The following CERS2 variants were observed in gnomAD, a reference collection of about 807,000 sequenced individuals.
The protein encoded by CERS2 is ceramide synthase 2, also known as LAG1 homolog, ceramide synthase 2.
CERS2 carries 20 observed loss-of-function variants against 56.6 expected under a neutral mutation model. The ratio of observed to expected loss-of-function variants is 0.35; its 90% CI spans 0.25 to 0.51. The LOEUF (loss-of-function observed/expected upper bound fraction) is 0.51, where lower values mean the gene tolerates loss of function less well. Ranked by LOEUF, CERS2 falls within the 20% of genes least tolerant of loss-of-function variation. The pLI, the probability that CERS2 is intolerant of heterozygous loss-of-function variation, is 0.96. For synonymous variants in CERS2, 187 were observed against 175.4 expected (o/e 1.07, Z -0.52); for missense variants, 361 against 488.6 (o/e 0.74, Z 2.46).
At chr1:150,966,947 C>G (rs1238160630) in intron 8 of CERS2, 85 bp from the exon 9 acceptor site, 3 of 1,432,152 alleles carry the variant, frequency 2.1e-6, no homozygotes, top group Non-Finnish European at 2.9e-6. Context: ...GGAGCACTGA[C>G]TCTGTGCCCT....
intron 6 of CERS2, 68 bp from the exon 7 acceptor site, chr1:150,967,552 C>A (rs919223742): frequency 7.2e-7 from 1 of 1,395,874 alleles, no homozygotes; most frequent in South Asian, 1.2e-5. Flanking sequence ...ACCCCCTAGC[C>A]CCTGAGGTTC....
chr1:150,968,123 G>C lies in CERS2; in HGVS notation c.370C>G (p.Gln124Glu), dbSNP rs772059536. Residue 124 changes from glutamine (Q) to glutamate (E), a missense_variant, in exon 4 of 11, where the codon CAG becomes GAG. Physicochemically the swap from Gln to Glu is conservative, Grantham distance 29 (BLOSUM62 2). Coordinates refer to ENST00000368954, the MANE Select transcript of CERS2 (RefSeq NM_022075.5). ...TTCTTGAGGAGACTGGGCCGGTCCT[G>C]GTTGCGGCGGCGACGGAACCAACGC... ...VERWFRRRRN[Q>E]DRPSLLKKFR... The C allele has an allele frequency of 9.9e-6, 16 of 1,609,698 alleles. No individual in the cohort carries two copies. Among genetic ancestry groups the C allele is most frequent in the Admixed American group, 5.0e-5 (3 of 59,998 alleles).
In CERS2 at chr1:150,967,489, G is replaced by A. The variant is rs1447361966; in HGVS notation, c.520-5C>T. ...ATACTGGGAAGGGATAGTGCTCTGG[G>A]AGAGGAGAGAGAGGTAAGAGCAACC... On this transcript the variant is annotated splice_region_variant and splice_polypyrimidine_tract_variant and intron_variant, in intron 6 of 10. Transcript: ENST00000368954. 1.3e-6 allele frequency: 2 copies of A among 1,540,360 alleles called. No homozygotes were observed. The highest frequency in any genetic ancestry group is 1.4e-5 in the African/African-American group (1 of 73,344).
intron 1 of CERS2, among the ~76,000 whole-genome samples, chr1:150,970,986 C>T (rs932860073): frequency 2.0e-5 from 3 of 152,114 alleles, no homozygotes; most frequent in Admixed American, 6.6e-5. Context: ...AGGGAGGGAA[C>T]GGTCAGACGT....
chr1:150,966,040 C>T lies in CERS2; in HGVS notation c.*108G>A. 3.4e-6 allele frequency: 4 copies of T among 1,171,910 alleles called. No homozygotes were observed. Among genetic ancestry groups the T allele is most frequent in the Non-Finnish European group, 4.7e-6 (4 of 843,010 alleles). The allele number at this position is 1,171,910 out of a possible 1,614,324, so 72.6% of individuals were successfully genotyped here. A position where few individuals can be genotyped will look rare whatever the true frequency, so the allele number is the denominator to read the frequency against. On this transcript the variant is annotated 3_prime_UTR_variant, in exon 11 of 11. Coordinates refer to ENST00000368954, the MANE Select transcript of CERS2 (RefSeq NM_022075.5). ...AGGAGGGAGGATGCAGAGAACTCTCCTCTCACTTTCTCCTTTTTCCCCAGA... is the reference window on the plus strand; with the variant it reads ...AGGAGGGAGGATGCAGAGAACTCTCTTCTCACTTTCTCCTTTTTCCCCAGA...
chr1:150,967,258 C>T (rs1671049551), intron 7 of CERS2, 56 bp from the exon 8 acceptor site: 1 of 1,581,352 alleles, frequency 6.3e-7, no homozygotes, highest in Non-Finnish European at 8.7e-7. Flanking sequence ...TCTCACTATG[C>T]CTTCTTACCC....
chr1:150,968,980 T>C lies in CERS2; in HGVS notation c.111A>G (p.Ser37=). The change falls in exon 2 of 11, where the codon TCA becomes TCG. Residue 37 remains serine, a synonymous_variant. Coordinates refer to ENST00000368954, the MANE Select transcript of CERS2 (RefSeq NM_022075.5). ...DRDGRVYAKA[S]DLYITLPLAL... ...CCAGGGGCAGCGTGATATAGAGATC[T>C]GAGGCTTTGGCGTAGACACGTCCAT... 6.2e-7 allele frequency: 1 copy of C among 1,614,106 alleles called. No homozygotes were observed. Among genetic ancestry groups the C allele is most frequent in the Non-Finnish European group, 8.5e-7 (1 of 1,180,026 alleles).
At chr1:150,967,982 C>T (rs1671071000) in intron 4 of CERS2, 101 bp downstream of exon 4, 2 of 1,372,224 alleles carry the variant, frequency 1.5e-6, no homozygotes, top group Non-Finnish European at 2.1e-6. Context: ...TAACTGAATT[C>T]ACCTCCTCAC....
chr1:150,973,792 GA>G (rs1019798084), intron 1 of CERS2: 4 of 152,300 alleles, frequency 2.6e-5, no homozygotes, highest in Non-Finnish European at 5.9e-5. Context: ...AGAACCCCCT[GA>G]ACCTGGGCCT....
intron 4 of CERS2, 61 bp from the exon 5 acceptor site, chr1:150,967,938 A>G: frequency 6.9e-7 from 1 of 1,450,246 alleles, no homozygotes; most frequent in Middle Eastern, 2.1e-4. Context: ...GCAGCCCCCA[A>G]ATACCTGCAG....
chr1:150,968,665 G>T (rs1045997440), intron 2 of CERS2, among the ~76,000 whole-genome samples, 153 bp from the exon 3 acceptor site: 1 of 152,178 alleles, frequency 6.6e-6, no homozygotes, highest in African/African-American at 2.4e-5. Context: ...AAAGCTGCCT[G>T]TGTGTTCACT....
intron 1 of CERS2, chr1:150,973,096 TG>T: frequency 6.6e-6 from 1 of 152,226 alleles, no homozygotes; most frequent in East Asian, 1.9e-4. Context: ...TAGTCTTCCT[TG>T]TTGAAAACTT....
intron 1 of CERS2, chr1:150,973,880 A>G (rs938495720): frequency 6.6e-6 from 1 of 152,242 alleles, no homozygotes; most frequent in African/African-American, 2.4e-5. Flanking sequence ...ACTGCAGGCT[A>G]AAGATGAGTG....
At chr1:150,971,947 C>T in intron 1 of CERS2, 2 of 469,762 alleles carry the variant, frequency 4.3e-6, no homozygotes, top group Non-Finnish European at 8.8e-6. Flanking sequence ...CCATCCCCAA[C>T]CAGGTCTGTG....
rs1671281540 is a variant in CERS2 at position 150,974,774 on chromosome 1, A to AGCCGCGGGC, written c.-158_-157insGCCCGCGGC. On this transcript the variant is annotated 5_prime_UTR_variant, in exon 1 of 11. Coordinates refer to ENST00000368954, the MANE Select transcript of CERS2 (RefSeq NM_022075.5). ...CCGCCCTCGCCCTCCCTCCTCCGCC[A>AGCCGCGGGC]GCCGCCGGCGCCGCCGCCGCCGCCC... The AGCCGCGGGC allele has an allele frequency of 2.0e-5, 3 of 150,696 alleles. No individual in the cohort carries two copies. In the Admixed American group the frequency reaches 2.0e-4, roughly 10 times the overall value. The allele number at this position is 150,696 out of a possible 1,614,324, so 9.3% of individuals were successfully genotyped here.
chr1:150,968,686 C>T (rs927570090), intron 2 of CERS2, among the ~76,000 whole-genome samples, 174 bp from the exon 3 acceptor site: 2 of 152,128 alleles, frequency 1.3e-5, no homozygotes, highest in Non-Finnish European at 2.9e-5. Flanking sequence ...AGTGGCCAGG[C>T]GGGCGGCGGG....
intron 1 of CERS2, among the ~76,000 whole-genome samples, chr1:150,970,500 T>C (rs1389000568): frequency 6.6e-6 from 1 of 152,124 alleles, no homozygotes; most frequent in Admixed American, 6.5e-5. Flanking sequence ...TATTCTTTTA[T>C]TTTCTTTTGA....
At chr1:150,972,656 T>C (rs1312461639) in intron 1 of CERS2, among the ~76,000 whole-genome samples, 1 of 152,176 alleles carries the variant, frequency 6.6e-6, no homozygotes, top group Non-Finnish European at 1.5e-5. Flanking sequence ...CCCATACACA[T>C]GAAGAGACAT....
rs1670998998 is a variant in CERS2, at chr1:150,966,000, A to G, written c.*148T>C. On this transcript the variant is annotated 3_prime_UTR_variant, in exon 11 of 11. Coordinates refer to ENST00000368954, the MANE Select transcript of CERS2 (RefSeq NM_022075.5). ...CTGGTTAGAATTTGGTTTAAAGGCAACTGGGTGACAAGCAAGGAGGGAGGA... is the reference window on the plus strand; with the variant it reads ...CTGGTTAGAATTTGGTTTAAAGGCAGCTGGGTGACAAGCAAGGAGGGAGGA... The G allele has an allele frequency of 3.5e-6, 3 of 853,348 alleles. No individual in the cohort carries two copies. The highest frequency in any genetic ancestry group is 5.3e-6 in the Non-Finnish European group (3 of 568,404). The allele number at this position is 853,348 out of a possible 1,614,324, so 52.9% of individuals were successfully genotyped here. A position where few individuals can be genotyped will look rare whatever the true frequency, so the allele number is the denominator to read the frequency against.
Sources: gnomAD v4.1 joint callset for allele counts (sites outside exome capture counted in the v4.1 genomes callset) on GRCh38, gnomAD v4.1.1 for gene constraint, MANE v1.5 for transcripts, NCBI Gene and HGNC (gene_info 2026-07-23, HGNC 2026-07-21) for gene names.